GPC5: variants seen among roughly 807,000 people sequenced by gnomAD.
GPC5 encodes glypican-5.
GPC5 carries 47 observed loss-of-function variants against 53.9 expected under a neutral mutation model. That is an observed-to-expected ratio of 0.87 (90% CI 0.69 to 1.11). The LOEUF is 1.11. Among genes scored for constraint, GPC5 ranks in the 50% most tolerant of loss-of-function variants. The pLI is 0.00. For synonymous variants in GPC5, 286 were observed against 263.3 expected (o/e 1.09, Z -0.84); for missense variants, 748 against 713.1 (o/e 1.05, Z -0.56).
chr13:91,948,145 G>A (rs1219428070), intron 6 of GPC5, among the ~76,000 whole-genome samples: 33 of 151,336 alleles, frequency 2.2e-4, no homozygotes, highest in Admixed American at 2.0e-3. Flanking sequence ...GGAGAATGGC[G>A]TGAATCTGGG....
chr13:92,422,125 T>C (rs997425110), intron 7 of GPC5, among the ~76,000 whole-genome samples: 4 of 135,176 alleles, frequency 3.0e-5, no homozygotes, highest in African/African-American at 6.0e-5. Context: ...AAACAAATCT[T>C]GCCACCATTT....
At chr13:92,199,333 C>T (rs1024168008) in intron 7 of GPC5, among the ~76,000 whole-genome samples, 8 of 152,136 alleles carry the variant, frequency 5.3e-5, no homozygotes, top group African/African-American at 1.4e-4. Flanking sequence ...AAAATATCTG[C>T]GGGTTTAACT....
intron 5 of GPC5, among the ~76,000 whole-genome samples, chr13:91,797,378 A>C: frequency 6.6e-6 from 1 of 152,302 alleles, no homozygotes; most frequent in South Asian, 2.1e-4. Context: ...CAGTTCAAAG[A>C]AAAAAATTTT....
intron 7 of GPC5, among the ~76,000 whole-genome samples, chr13:92,303,772 T>G (rs2043091497): frequency 6.6e-6 from 1 of 152,254 alleles, no homozygotes; most frequent in African/African-American, 2.4e-5. Context: ...ATACAGTGTT[T>G]GATATATTAA....
At chr13:91,950,703 G>A (rs535136939) in intron 6 of GPC5, among the ~76,000 whole-genome samples, 9 of 152,284 alleles carry the variant, frequency 5.9e-5, no homozygotes, top group South Asian at 2.1e-4. Context: ...TATACTCTGC[G>A]CTTTCTACTG....
chr13:91,868,572 G>C (rs1047158350), intron 5 of GPC5, among the ~76,000 whole-genome samples: 5 of 151,998 alleles, frequency 3.3e-5, no homozygotes, highest in African/African-American at 1.2e-4. Context: ...GGGTCTGGTG[G>C]CACATGACTG....
chr13:92,343,365 T>G (rs933404233), intron 7 of GPC5, among the ~76,000 whole-genome samples: 10 of 152,220 alleles, frequency 6.6e-5, no homozygotes, highest in African/African-American at 2.2e-4. Context: ...CGTATAATGC[T>G]TTCAGTTTGA....
chr13:91,975,604 T>C (rs181168490), intron 6 of GPC5, among the ~76,000 whole-genome samples: 3,202 of 152,266 alleles, frequency 0.021, 49 homozygotes, highest in Non-Finnish European at 0.035. Context: ...AGGTGATCAT[T>C]AAAAAGTCAG....
At chr13:92,741,040 CT>C (rs150501879) in intron 7 of GPC5, among the ~76,000 whole-genome samples, 4,236 of 148,842 alleles carry the variant, frequency 0.028, 300 homozygotes, top group East Asian at 0.28. Flanking sequence ...AAGATTATTC[CT>C]TCTACCTGGT....
Position 92,445,788 on chromosome 13 carries a change from G to C in GPC5, c.1561+300799G>C, listed in dbSNP as rs9589543. Among the ~76,000 whole-genome samples, 920 of 152,068 alleles carry C rather than the reference G, an allele frequency of 6.0e-3. 12 individuals carry two copies. Among genetic ancestry groups the C allele is most frequent in the African/African-American group, 0.021 (863 of 41,482 alleles). ...CCGCAATAAACATACGTGTGCATGT[G>C]TCTTTATAGCAGCATGATATTCTCT... On this transcript the variant is annotated intron_variant, in intron 7 of 7. Transcript: ENST00000377067.
chr13:92,518,313 G>C (rs918732410), intron 7 of GPC5, among the ~76,000 whole-genome samples: 1 of 152,248 alleles, frequency 6.6e-6, no homozygotes, highest in East Asian at 1.9e-4. Context: ...GCAACTCCAA[G>C]ACACATCATT....
chr13:92,652,178 T>C (rs1885979980), intron 7 of GPC5, among the ~76,000 whole-genome samples: 1 of 152,198 alleles, frequency 6.6e-6, no homozygotes, highest in Non-Finnish European at 1.5e-5. Context: ...TATTTGCAGA[T>C]ACTTACAAGT....
intron 7 of GPC5, among the ~76,000 whole-genome samples, chr13:92,233,492 C>A (rs1366179258): frequency 1.3e-5 from 2 of 152,092 alleles, no homozygotes; most frequent in Non-Finnish European, 2.9e-5. Context: ...AGAATATATT[C>A]TCTTTCTACC....
intron 6 of GPC5, among the ~76,000 whole-genome samples, chr13:92,099,110 G>C (rs1653950139): frequency 6.6e-6 from 1 of 152,046 alleles, no homozygotes; most frequent in Non-Finnish European, 1.5e-5. Context: ...ATTTTCCCAA[G>C]ACAAGTTTTT....
rs371685757 is a variant in GPC5 at position 92,671,822 on chromosome 13, G to A, written c.1562-194460G>A. On this transcript the variant is annotated intron_variant, in intron 7 of 7. Transcript: ENST00000377067. ...TGTGCTTTGTCCTGTAGACGATTGA[G>A]AGTGGTTTCCATATTTAAAAAGGAT... Among the ~76,000 whole-genome samples, 8 of 152,316 alleles carry A rather than the reference G, an allele frequency of 5.3e-5. No homozygotes were observed. In the East Asian group the frequency reaches 1.2e-3, roughly 22 times the overall value.
chr13:91,619,167 T>A (rs901636133), intron 2 of GPC5, among the ~76,000 whole-genome samples: 11 of 152,190 alleles, frequency 7.2e-5, no homozygotes, highest in Middle Eastern at 3.4e-3. Context: ...AAATCGAATA[T>A]GAGCTGTATC....
At chr13:91,671,472 G>A (rs867245379) in intron 2 of GPC5, among the ~76,000 whole-genome samples, 1 of 151,826 alleles carries the variant, frequency 6.6e-6, no homozygotes, top group Admixed American at 6.6e-5. Flanking sequence ...AAGAATTTTT[G>A]GGGCTGAGAT....
At chr13:92,130,514 A>G (rs1357253217) in intron 6 of GPC5, among the ~76,000 whole-genome samples, 1 of 152,106 alleles carries the variant, frequency 6.6e-6, no homozygotes, top group Non-Finnish European at 1.5e-5. Flanking sequence ...AACTAATTGG[A>G]CTAGGCTTAC....
intron 5 of GPC5, among the ~76,000 whole-genome samples, chr13:91,764,479 A>G (rs1219224186): frequency 6.6e-6 from 1 of 152,196 alleles, no homozygotes; most frequent in Non-Finnish European, 1.5e-5. Flanking sequence ...CTTTGTCACC[A>G]GAATAAAATC....
Sources: gnomAD v4.1 joint callset for allele counts (sites outside exome capture counted in the v4.1 genomes callset) on GRCh38, gnomAD v4.1.1 for gene constraint, MANE v1.5 for transcripts, NCBI Gene and HGNC (gene_info 2026-07-23, HGNC 2026-07-21) for gene names.